The following PIAS1 variants were observed in gnomAD, a reference collection of about 807,000 sequenced individuals.
PIAS1 encodes the protein protein inhibitor of activated STAT 1.
Under a neutral mutation model 71.3 loss-of-function variants are expected in PIAS1, and 6 were observed. That is an observed-to-expected ratio of 0.08 (90% confidence interval 0.05 to 0.17). The LOEUF is 0.17. Ranked by LOEUF, PIAS1 falls within the 10% of genes least tolerant of loss-of-function variation. The pLI, the probability that PIAS1 is intolerant of heterozygous loss-of-function variation, is 1.00. For synonymous variants in PIAS1, 303 were observed against 292.9 expected (o/e 1.03, Z -0.35); for missense variants, 555 against 793.6 (o/e 0.70, Z 3.61).
At chr15:68,145,680 G>T in intron 4 of PIAS1, 136 bp from the exon 5 acceptor site, 1 of 595,192 alleles carries the variant, frequency 1.7e-6, no homozygotes, top group Non-Finnish European at 3.0e-6. Context: ...TATTAATAGG[G>T]TGAAAAGTCC....
Position 68,146,573 on chromosome 15 carries a change from T to G in PIAS1, c.701T>G (p.Leu234Arg). The change falls in exon 6 of 14, where the codon CTT becomes CGT. Residue 234 changes from leucine (L) to arginine (R), a missense_variant. By Grantham distance (102) the Leu-to-Arg change is moderately radical. This residue lies in a region of PIAS1 where 134 missense variants were observed against 203.4 expected (regional missense o/e 0.66). Transcript: ENST00000249636. ...ATTACATTTCATTTTTAGGGTTACC[T>G]TCCACCTACAAAAAATGGCGTGGAA... Reference protein sequence around the residue: ...NTKPCSLPGYLPPTKNGVEPK... With the variant: ...NTKPCSLPGYRPPTKNGVEPK... The G allele has an allele frequency of 6.2e-7, 1 of 1,611,478 alleles. No homozygotes were observed. The highest frequency in any genetic ancestry group is 8.5e-7 in the Non-Finnish European group (1 of 1,177,918).
At chr15:68,177,777 C>T (rs563175445) in intron 11 of PIAS1, among the ~76,000 whole-genome samples, 1 of 152,276 alleles carries the variant, frequency 6.6e-6, no homozygotes, top group Admixed American at 6.5e-5. Flanking sequence ...GGATTCTGAG[C>T]AAGATTTCTA....
chr15:68,069,619 G>A (rs376632939), intron 1 of PIAS1, among the ~76,000 whole-genome samples: 2 of 151,934 alleles, frequency 1.3e-5, no homozygotes, highest in Admixed American at 6.6e-5. Flanking sequence ...CGGCTAACAC[G>A]GTGAAACCGC....
chr15:68,179,190 T>A (rs1238349401), intron 11 of PIAS1, among the ~76,000 whole-genome samples: 1 of 152,182 alleles, frequency 6.6e-6, no homozygotes, highest in Non-Finnish European at 1.5e-5. Context: ...TTCAAAACAT[T>A]ATCACAAATT....
intron 6 of PIAS1, among the ~76,000 whole-genome samples, chr15:68,149,949 A>T (rs1357291104): frequency 6.6e-6 from 1 of 152,070 alleles, no homozygotes; most frequent in Non-Finnish European, 1.5e-5. Flanking sequence ...CATTATTATA[A>T]TGTTGCTATT....
rs1433763374 is a variant in PIAS1 at position 68,188,617 on chromosome 15, A to AC, written c.*787dup. 1 of 152,050 alleles carries AC rather than the reference A, an allele frequency of 6.6e-6. No individual in the cohort carries two copies. The highest frequency in any genetic ancestry group is 1.5e-5 in the Non-Finnish European group (1 of 68,026). 9.4% of individuals were successfully genotyped at this position (152,050 alleles called of 1,614,324 possible). On this transcript the variant is annotated 3_prime_UTR_variant, in exon 14 of 14. Transcript: ENST00000249636. ...TCACATATTCTCTTATTTGCTCTGT[A>AC]CCCCCTGAGAATATGTTTTAGAGAT...
In PIAS1 at chr15:68,187,557, T is replaced by G. The variant is rs2093095835; in HGVS notation, c.1678T>G (p.Leu560Val). ...SGDNQHYNTS[L>V]LAAAAAAVSD... ...CCCTCCCTAGCATTACAACACCTCC[T>G]TGCTTGCCGCTGCAGCAGCAGCAGT... The change falls in exon 14 of 14, where the codon TTG becomes GTG. Residue 560 changes from leucine (L) to valine (V), a missense_variant. Around this residue, in one of 5 missense-constraint regions of PIAS1, gnomAD observed 244 missense variants for 307.5 expected, o/e 0.79. Transcript: ENST00000249636. The surrounding 1 kb of genome is among the most constrained non-coding windows in gnomAD (Gnocchi z 5.3). The G allele has an allele frequency of 6.2e-7, 1 of 1,613,628 alleles. No individual in the cohort carries two copies. The highest frequency in any genetic ancestry group is 1.7e-5 in the Admixed American group (1 of 59,998).
At chr15:68,119,560 AGTTAAT>A (rs1378595709) in intron 2 of PIAS1, among the ~76,000 whole-genome samples, 2 of 152,294 alleles carry the variant, frequency 1.3e-5, no homozygotes, top group Non-Finnish European at 2.9e-5. Context: ...AATCCTCTTA[AGTTAAT>A]TGAGATTTGT....
At chr15:68,074,070 A>G (rs2092130284) in intron 1 of PIAS1, among the ~76,000 whole-genome samples, 1 of 152,286 alleles carries the variant, frequency 6.6e-6, no homozygotes, top group Admixed American at 6.5e-5. Context: ...AGATTCGAAT[A>G]TGTTGAGTTG....
chr15:68,130,618 T>G (rs1312518590), intron 2 of PIAS1, among the ~76,000 whole-genome samples: 2 of 142,874 alleles, frequency 1.4e-5, no homozygotes, highest in Non-Finnish European at 3.0e-5. Context: ...TCTCAGTTAT[T>G]AAAAAGTAAG....
intron 2 of PIAS1, among the ~76,000 whole-genome samples, chr15:68,091,086 CAT>C (rs2092329115): frequency 6.6e-6 from 1 of 151,952 alleles, no homozygotes; most frequent in Non-Finnish European, 1.5e-5. Context: ...ATGTTGAGCA[CAT>C]GTGTTAAGGG....
At chr15:68,085,326 C>G (rs1031729391) in intron 1 of PIAS1, among the ~76,000 whole-genome samples, 1 of 152,086 alleles carries the variant, frequency 6.6e-6, no homozygotes, top group African/African-American at 2.4e-5. Flanking sequence ...CATTTTCCAC[C>G]ACTTTAAAAT....
intron 2 of PIAS1, chr15:68,087,728 T>C (rs1023510180): frequency 3.7e-6 from 1 of 272,512 alleles, no homozygotes; most frequent in East Asian, 9.2e-5. Context: ...CATTTCAGTT[T>C]GGGGGACTGG....
chr15:68,171,184 G>A lies in PIAS1; in HGVS notation c.1009-2548G>A, dbSNP rs774504164. ...ATTAGCCTAGGCCTGCACAGGGTCC[G>A]GATCATCAGTATCACTACTTTCCAC... On this transcript the variant is annotated intron_variant, in intron 8 of 13. Transcript: ENST00000249636. The surrounding 1 kb of genome is among the most constrained non-coding windows in gnomAD (Gnocchi z 4.4). 9.2e-5 allele frequency among the ~76,000 whole-genome samples: 14 copies of A among 151,830 alleles called. No individual in the cohort carries two copies. Among genetic ancestry groups the A allele is most frequent in the East Asian group, 5.8e-4 (3 of 5,192 alleles).
At chr15:68,128,764 A>G (rs541748322) in intron 2 of PIAS1, among the ~76,000 whole-genome samples, 5 of 152,336 alleles carry the variant, frequency 3.3e-5, no homozygotes, top group Admixed American at 3.3e-4. Flanking sequence ...CAACAAATGG[A>G]CGCAGTATCC....
At position 68,189,261 on chromosome 15, in the gene PIAS1, A is replaced by T. The variant is rs2093107282; in HGVS notation, c.*1426A>T. 6.6e-6 allele frequency: 1 copy of T among 152,216 alleles called. No homozygotes were observed. The highest frequency in any genetic ancestry group is 1.9e-4 in the East Asian group (1 of 5,204). The allele number at this position is 152,216 out of a possible 1,614,324, so 9.4% of individuals were successfully genotyped here. A position where few individuals can be genotyped will look rare whatever the true frequency, so the allele number is the denominator to read the frequency against. The stretch of plus-strand genomic sequence containing the variant: ...GTTCTACTAATGTTCCAAAATCCTC[A>T]TCAGAGAAGGTATGATGTTCTCAGG... On this transcript the variant is annotated 3_prime_UTR_variant, in exon 14 of 14. Transcript: ENST00000249636.
At position 68,188,064 on chromosome 15, in the gene PIAS1, T is replaced by TA. The variant is rs372768631; in HGVS notation, c.*240dup. Reference sequence around the variant, plus strand: ...CTGCCTGTGTGATAAAACACTTGTTTAAAAAAAAAAAGGAAAGAAAAGAAA... The same window carrying TA: ...CTGCCTGTGTGATAAAACACTTGTTTAAAAAAAAAAAAGGAAAGAAAAGAAA... On this transcript the variant is annotated 3_prime_UTR_variant, in exon 14 of 14. Transcript: ENST00000249636. 5,075 of 269,464 alleles carry TA rather than the reference T, an allele frequency of 0.019. No homozygotes were observed. Among genetic ancestry groups the TA allele is most frequent in the Middle Eastern group, 0.041 (38 of 930 alleles). 16.7% of individuals were successfully genotyped at this position (269,464 alleles called of 1,614,324 possible). A position where few individuals can be genotyped will look rare whatever the true frequency, so the allele number is the denominator to read the frequency against.
chr15:68,187,487 A>T lies in PIAS1; in HGVS notation c.1663-55A>T. On this transcript the variant is annotated intron_variant, in intron 13 of 13. Transcript: ENST00000249636. The surrounding 1 kb of genome is among the most constrained non-coding windows in gnomAD (Gnocchi z 5.3). ...GGCTGTGTCCCGCTGAGGAGAAAATATATTAATTTGGAAGTATAATTAACA... is the reference window on the plus strand; with the variant it reads ...GGCTGTGTCCCGCTGAGGAGAAAATTTATTAATTTGGAAGTATAATTAACA... 6.7e-7 allele frequency: 1 copy of T among 1,490,268 alleles called. No individual in the cohort carries two copies. 92.3% of individuals were successfully genotyped at this position (1,490,268 alleles called of 1,614,324 possible). A position where few individuals can be genotyped will look rare whatever the true frequency, so the allele number is the denominator to read the frequency against.
At chr15:68,085,380 A>T (rs1415544919) in intron 1 of PIAS1, among the ~76,000 whole-genome samples, 5 of 152,156 alleles carry the variant, frequency 3.3e-5, no homozygotes, top group Admixed American at 1.3e-4. Flanking sequence ...GTAGGTGGGG[A>T]AAAAGGAGAA....
Sources: gnomAD v4.1 joint callset for allele counts (sites outside exome capture counted in the v4.1 genomes callset) on GRCh38, gnomAD v4.1.1 for gene constraint, gnomAD v4.1.1 regional missense constraint, Gnocchi (gnomAD v3.1) non-coding constraint, MANE v1.5 for transcripts, NCBI Gene and HGNC (gene_info 2026-07-23, HGNC 2026-07-21) for gene names.